ITGA9: variants seen among roughly 807,000 people sequenced by gnomAD.
ITGA9 encodes integrin alpha-9.
A neutral mutation model predicts 127.8 loss-of-function variants in ITGA9; 56 were observed. That is an observed-to-expected ratio of 0.44 (90% CI 0.35 to 0.55). The LOEUF is 0.55. Ranked by LOEUF, ITGA9 falls within the 20% of genes least tolerant of loss-of-function variation. The probability of loss-of-function intolerance (pLI) is 0.00; values close to 1 mark genes in which losing one functional copy is unlikely to be tolerated. For synonymous variants in ITGA9, 508 were observed against 514.5 expected, an observed-to-expected ratio of 0.99 and a Z score of 0.17; for missense variants, 1,196 against 1,347.1, an observed-to-expected ratio of 0.89 and a Z score of 1.76.
At chr3:37,672,304 G>T (rs1700644552) in intron 17 of ITGA9, among the ~76,000 whole-genome samples, 1 of 152,136 alleles carries the variant, frequency 6.6e-6, no homozygotes, top group Admixed American at 6.5e-5. Context: ...AATCATGGGG[G>T]CGGGTCTTTC....
At chr3:37,809,566 G>A (rs370212736) in intron 27 of ITGA9, among the ~76,000 whole-genome samples, 1 of 152,056 alleles carries the variant, frequency 6.6e-6, no homozygotes, top group East Asian at 1.9e-4. Context: ...TGTGCAGTCT[G>A]TTGAGGCAGT....
At chr3:37,488,694 A>T (rs950902428) in intron 4 of ITGA9, among the ~76,000 whole-genome samples, 3 of 151,758 alleles carry the variant, frequency 2.0e-5, no homozygotes. Context: ...GCTACTTGGG[A>T]GGGTGAGGCA....
At chr3:37,748,005 C>A in intron 22 of ITGA9, 2 of 312,080 alleles carry the variant, frequency 6.4e-6, no homozygotes, top group South Asian at 3.0e-5. Context: ...GCATAATGAC[C>A]TCCAGTTCCG....
chr3:37,549,433 C>T (rs929343069), intron 15 of ITGA9, among the ~76,000 whole-genome samples: 9 of 152,138 alleles, frequency 5.9e-5, no homozygotes, highest in African/African-American at 1.4e-4. Flanking sequence ...CAGTGGTTAT[C>T]GTAAGCTTAT....
chr3:37,724,687 G>A (rs1374392211), intron 18 of ITGA9, among the ~76,000 whole-genome samples: 5 of 152,038 alleles, frequency 3.3e-5, no homozygotes, highest in Non-Finnish European at 7.4e-5. Flanking sequence ...TATTAGAGAC[G>A]GAGTTTCACC....
chr3:37,802,107 G>A (rs1171981937), intron 26 of ITGA9, among the ~76,000 whole-genome samples: 3 of 152,196 alleles, frequency 2.0e-5, no homozygotes, highest in African/African-American at 7.2e-5. Flanking sequence ...AATCGTGACT[G>A]TGCATTTGAA....
chr3:37,744,300 G>T (rs1696474220), intron 22 of ITGA9, among the ~76,000 whole-genome samples: 2 of 152,310 alleles, frequency 1.3e-5, no homozygotes, highest in Non-Finnish European at 2.9e-5. Context: ...CCCTCTGTGT[G>T]GTGGAGGCCT....
At chr3:37,662,652 T>A (rs1038490415) in intron 17 of ITGA9, among the ~76,000 whole-genome samples, 1 of 152,198 alleles carries the variant, frequency 6.6e-6, no homozygotes, top group African/African-American at 2.4e-5. Flanking sequence ...AGAGATGTTG[T>A]GCTGATTTCC....
rs976662023 is a variant in ITGA9 at position 37,741,806 on chromosome 3, A to G, written c.2311A>G (p.Thr771Ala). Residue 771 changes from threonine (T) to alanine (A), a missense_variant, in exon 21 of 28, where the codon ACG (threonine) becomes GCG (alanine). Physicochemically the swap from Thr to Ala is moderately conservative, Grantham distance 58. Coordinates refer to ENST00000264741, the MANE Select transcript of ITGA9 (RefSeq NM_002207.3). Reference protein sequence around the residue: ...LMVPLMHEVDTSITGIMSPTS... With the variant: ...LMVPLMHEVDASITGIMSPTS... ...GGTGCCACTGATGCACGAGGTGGAC[A>G]CGTCCATCACCGGGTGAGTAGCCTG... 1.2e-6 allele frequency: 2 copies of G among 1,613,368 alleles called. No homozygotes were observed. The highest frequency in any genetic ancestry group is 2.2e-5 in the South Asian group (2 of 90,840).
chr3:37,777,587 A>T, intron 24 of ITGA9, 70 bp downstream of exon 24: 1 of 1,536,950 alleles, frequency 6.5e-7, no homozygotes, highest in Admixed American at 1.7e-5. Flanking sequence ...TTTCTATTTG[A>T]TATTTATTAT....
chr3:37,799,181 A>T lies in ITGA9; in HGVS notation c.2890-4642A>T, dbSNP rs1280569749. On this transcript the variant is annotated intron_variant, in intron 26 of 27. Transcript: ENST00000264741. This position sits in a 1 kb window ranked among gnomAD's most constrained non-coding sequence, Gnocchi z 4.0. ...TATGAACATTTTTATTTTATTTTTT[A>T]ATTTTTTATTTTTTTAAGACAGAGT... Among the ~76,000 whole-genome samples the T allele has an allele frequency of 6.6e-6, 1 of 151,878 alleles. No individual in the cohort carries two copies. Among genetic ancestry groups the T allele is most frequent in the African/African-American group, 2.4e-5 (1 of 41,340 alleles).
At chr3:37,584,395 G>T (rs1360460761) in intron 15 of ITGA9, among the ~76,000 whole-genome samples, 1 of 152,138 alleles carries the variant, frequency 6.6e-6, no homozygotes, top group African/African-American at 2.4e-5. Flanking sequence ...AAATAGAGTA[G>T]AAATAGATCA....
At chr3:37,529,697 A>C (rs571638935) in intron 13 of ITGA9, among the ~76,000 whole-genome samples, 1 of 152,190 alleles carries the variant, frequency 6.6e-6, no homozygotes. Flanking sequence ...ACCCTCATCT[A>C]TGTGAACCCT....
chr3:37,657,580 TC>T (rs1466793411), intron 17 of ITGA9, among the ~76,000 whole-genome samples: 1 of 152,000 alleles, frequency 6.6e-6, no homozygotes, highest in Non-Finnish European at 1.5e-5. Flanking sequence ...TTCTCTGTTT[TC>T]TTCTTTATTA....
chr3:37,518,091 C>CGTGTGTGTGTGTGTGT (rs1491416800), intron 10 of ITGA9, among the ~76,000 whole-genome samples: 41 of 51,874 alleles, frequency 7.9e-4, no homozygotes, highest in African/African-American at 1.7e-3. Flanking sequence ...TGAGAGTGTA[C>CGTGTGTGTGTGTGTGT]GCGTGTGTGT....
intron 26 of ITGA9, among the ~76,000 whole-genome samples, chr3:37,785,703 T>G (rs1207576947): frequency 6.6e-6 from 1 of 152,168 alleles, no homozygotes; most frequent in Non-Finnish European, 1.5e-5. Flanking sequence ...GGTCTCAAAC[T>G]CCTGGCTTCA....
Position 37,452,576 on chromosome 3 carries a change from C to G in ITGA9, c.185+17C>G, listed in dbSNP as rs371249711. 81 of 1,503,584 alleles carry G rather than the reference C, an allele frequency of 5.4e-5. No individual in the cohort carries two copies. The Middle Eastern group carries it at 1.1e-3, about 21-fold the overall frequency. 93.1% of individuals were successfully genotyped at this position (1,503,584 alleles called of 1,614,324 possible). On this transcript the variant is annotated intron_variant, in intron 1 of 27. Transcript: ENST00000264741. The surrounding 1 kb of genome is among the most constrained non-coding windows in gnomAD (Gnocchi z 7.3). ...CACGCGCTGGTGAGTGCCCGCCCGA[C>G]TCCGCGACCCTGGCCCGCGCGGCCA...
At chr3:37,519,404 A>G (rs932446637) in intron 11 of ITGA9, 50 bp downstream of exon 11, 1 of 1,417,470 alleles carries the variant, frequency 7.1e-7, no homozygotes. Flanking sequence ...TCATTCAGCA[A>G]ACATGTATGG....
chr3:37,463,449 G>C (rs759158847), intron 1 of ITGA9, among the ~76,000 whole-genome samples: 2 of 152,174 alleles, frequency 1.3e-5, no homozygotes, highest in Non-Finnish European at 2.9e-5. Flanking sequence ...GGCTTCAGCT[G>C]GGAGGGCTTA....
Sources: allele counts gnomAD v4.1 joint callset (sites outside exome capture counted in the v4.1 genomes callset), GRCh38; gene constraint gnomAD v4.1.1; non-coding constraint Gnocchi (gnomAD v3.1); transcripts MANE v1.5; gene names NCBI Gene and HGNC (gene_info 2026-07-23, HGNC 2026-07-21).